DRAM1: variants seen among roughly 807,000 people sequenced by gnomAD.
DRAM1 encodes DNA damage-regulated autophagy modulator protein 1.
Under a neutral mutation model 28.5 loss-of-function variants are expected in DRAM1, and 25 were observed. The ratio of observed to expected loss-of-function variants is 0.88; its 90% CI spans 0.64 to 1.23. The LOEUF is 1.23. Among genes scored for constraint, DRAM1 ranks in the 50% most tolerant of loss-of-function variants. The probability of loss-of-function intolerance (pLI) is 0.00; values close to 1 mark genes in which losing one functional copy is unlikely to be tolerated. For synonymous variants in DRAM1, 113 were observed against 114.2 expected (o/e 0.99, Z 0.07); for missense variants, 249 against 299.2 (o/e 0.83, Z 1.24).
At chr12:101,894,138 GAC>G (rs1014705354) in intron 1 of DRAM1, among the ~76,000 whole-genome samples, 5 of 151,846 alleles carry the variant, frequency 3.3e-5, no homozygotes, top group African/African-American at 1.2e-4. Flanking sequence ...TAATTTTTGA[GAC>G]AGAGTCTCAT....
chr12:101,903,893 G>A (rs1412016444), intron 3 of DRAM1, among the ~76,000 whole-genome samples: 1 of 149,300 alleles, frequency 6.7e-6, no homozygotes, highest in Non-Finnish European at 1.5e-5. Flanking sequence ...GGGCAACACA[G>A]GGAGACCGTG....
Position 101,877,919 on chromosome 12 carries a change from A to T in DRAM1, c.130A>T (p.Ser44Cys). 1 of 1,531,992 alleles carries T rather than the reference A, an allele frequency of 6.5e-7. No homozygotes were observed. The allele number at this position is 1,531,992 out of a possible 1,614,324, so 94.9% of individuals were successfully genotyped here. The change falls in exon 1 of 7, where the codon AGT becomes TGT. Residue 44 changes from serine to cysteine, a missense_variant and splice_region_variant. By Grantham distance (112) the Ser-to-Cys change is moderately radical. Transcript: ENST00000258534. This position sits in a 1 kb window ranked among gnomAD's most constrained non-coding sequence, Gnocchi z 4.1. ...CGTCAACCCCTTCCTCCCGTATATC[A>T]GGTGAGTGGCAGGGTGGGCGTCAGG... ...GHVNPFLPYI[S>C]DTGTTPPESG... is the part of the protein sequence containing the mutation.
At chr12:101,896,857 G>A (rs1038366114) in intron 1 of DRAM1, among the ~76,000 whole-genome samples, 2 of 150,216 alleles carry the variant, frequency 1.3e-5, no homozygotes, top group Non-Finnish European at 3.0e-5. Flanking sequence ...GTGTGATCTC[G>A]GCTCACCGCA....
Position 101,877,896 on chromosome 12 carries a change from T to A in DRAM1, c.107T>A (p.Val36Asp). The change falls in exon 1 of 7, where the codon GTC becomes GAC. Residue 36 changes from valine (V) to aspartate (D), a missense_variant. By Grantham distance (152) the Val-to-Asp change is radical. Around this residue, in one of 3 missense-constraint regions of DRAM1, gnomAD observed 218 missense variants for 243.1 expected, o/e 0.90. Coordinates refer to ENST00000258534, the MANE Select transcript of DRAM1 (RefSeq NM_018370.3). The surrounding 1 kb of genome is among the most constrained non-coding windows in gnomAD (Gnocchi z 4.1). ...GTGGTCGCCGTGCTCTCCGGGCACG[T>A]CAACCCCTTCCTCCCGTATATCAGG... ...SYVVAVLSGHVNPFLPYISDT... is the reference protein window; with the variant it reads ...SYVVAVLSGHDNPFLPYISDT... 1 of 1,542,618 alleles carries A rather than the reference T, an allele frequency of 6.5e-7. No homozygotes were observed. Among genetic ancestry groups the A allele is most frequent in the South Asian group, 1.2e-5 (1 of 83,030 alleles).
In DRAM1 at chr12:101,921,323, G is replaced by C; in HGVS notation, c.*63G>C. The C allele has an allele frequency of 2.1e-6, 3 of 1,415,794 alleles. No homozygotes were observed. The highest frequency in any genetic ancestry group is 3.0e-6 in the Non-Finnish European group (3 of 1,000,534). 87.7% of individuals were successfully genotyped at this position (1,415,794 alleles called of 1,614,324 possible). A position where few individuals can be genotyped will look rare whatever the true frequency, so the allele number is the denominator to read the frequency against. On this transcript the variant is annotated 3_prime_UTR_variant, in exon 7 of 7. Transcript: ENST00000258534. Reference sequence around the variant, plus strand: ...GGCCATTTCTAAAAGTGCTACAGAGGACAGACAGGGTTTTGAGGCCACCCT... The same window carrying C: ...GGCCATTTCTAAAAGTGCTACAGAGCACAGACAGGGTTTTGAGGCCACCCT...
In DRAM1 at chr12:101,908,384, GC is replaced by G. The variant is rs1393034394; in HGVS notation, c.520+23del. On this transcript the variant is annotated intron_variant, in intron 4 of 6. Coordinates refer to ENST00000258534, the MANE Select transcript of DRAM1 (RefSeq NM_018370.3). ...CCCCAGTATCCTTTTTCACATTTGTGCCTTGTTAAAGGAATAAAACATTCAG... is the reference window on the plus strand; with the variant it reads ...CCCCAGTATCCTTTTTCACATTTGTGCTTGTTAAAGGAATAAAACATTCAG... 1.9e-6 allele frequency: 3 copies of G among 1,595,766 alleles called. No individual in the cohort carries two copies. The African/African-American group carries it at 4.0e-5, about 22-fold the overall frequency.
chr12:101,910,479 GTTTT>G (rs772877223), intron 4 of DRAM1, among the ~76,000 whole-genome samples: 1 of 139,270 alleles, frequency 7.2e-6, no homozygotes. Flanking sequence ...TTTCTAGAAA[GTTTT>G]TTTTTTTTTT....
chr12:101,895,324 C>T (rs567618748), intron 1 of DRAM1, among the ~76,000 whole-genome samples: 19 of 149,876 alleles, frequency 1.3e-4, no homozygotes, highest in East Asian at 9.9e-4. Context: ...ATTACAGGCA[C>T]GCTGTACCAT....
At chr12:101,893,210 C>T (rs535834976) in intron 1 of DRAM1, among the ~76,000 whole-genome samples, 8 of 152,184 alleles carry the variant, frequency 5.3e-5, no homozygotes, top group African/African-American at 1.4e-4. Context: ...GGTTCATTCC[C>T]GTGGTGTGCT....
intron 1 of DRAM1, among the ~76,000 whole-genome samples, chr12:101,882,033 A>G (rs994862440): frequency 6.6e-6 from 1 of 151,428 alleles, no homozygotes; most frequent in African/African-American, 2.4e-5. Context: ...TTTGGTGGCT[A>G]GTCAGTGATT....
chr12:101,883,687 C>T (rs1010525649), intron 1 of DRAM1, among the ~76,000 whole-genome samples: 6 of 151,404 alleles, frequency 4.0e-5, no homozygotes, highest in Non-Finnish European at 8.8e-5. Flanking sequence ...CCTGTAATCC[C>T]AGCACTTTGG....
At chr12:101,898,792 G>GAC (rs1417607264) in intron 2 of DRAM1, among the ~76,000 whole-genome samples, 1 of 152,186 alleles carries the variant, frequency 6.6e-6, no homozygotes, top group Non-Finnish European at 1.5e-5. Flanking sequence ...AGAGAAAGGG[G>GAC]ACAGGTGGAG....
chr12:101,895,712 C>T (rs1027709202), intron 1 of DRAM1, among the ~76,000 whole-genome samples: 4 of 143,954 alleles, frequency 2.8e-5, no homozygotes, highest in African/African-American at 7.7e-5. Flanking sequence ...CTGGGATTAC[C>T]GGCGTCTGCC....
intron 4 of DRAM1, among the ~76,000 whole-genome samples, chr12:101,910,832 A>G (rs1324733298): frequency 6.6e-6 from 1 of 152,142 alleles, no homozygotes; most frequent in Non-Finnish European, 1.5e-5. Flanking sequence ...CCATACAGAA[A>G]GGGGTTATAA....
At chr12:101,916,773 A>G (rs1874260633) in intron 5 of DRAM1, among the ~76,000 whole-genome samples, 1 of 152,208 alleles carries the variant, frequency 6.6e-6, no homozygotes, top group Admixed American at 6.5e-5. Flanking sequence ...CTCATTGATG[A>G]GTCCCTACCA....
intron 1 of DRAM1, among the ~76,000 whole-genome samples, chr12:101,881,177 G>A (rs1872674303): frequency 6.6e-6 from 1 of 152,180 alleles, no homozygotes; most frequent in African/African-American, 2.4e-5. Flanking sequence ...CTACTCAGGA[G>A]GCTGAGGCAT....
At chr12:101,919,530 T>C (rs12423125) in intron 5 of DRAM1, among the ~76,000 whole-genome samples, 1 of 152,238 alleles carries the variant, frequency 6.6e-6, no homozygotes, top group South Asian at 2.1e-4. Flanking sequence ...CAAGAAGATA[T>C]ACAGTTAACA....
intron 5 of DRAM1, among the ~76,000 whole-genome samples, chr12:101,915,798 G>A (rs1874219040): frequency 6.6e-6 from 1 of 152,100 alleles, no homozygotes; most frequent in Non-Finnish European, 1.5e-5. Context: ...TGCACCTCGT[G>A]ATCTGCCCTC....
At chr12:101,906,867 A>AAAAAG in intron 3 of DRAM1, among the ~76,000 whole-genome samples, 1 of 148,518 alleles carries the variant, frequency 6.7e-6, no homozygotes, top group African/African-American at 2.6e-5. Context: ...AAAAAAAAAA[A>AAAAAG]AAAAAAGAAA....
Sources: allele counts gnomAD v4.1 joint callset (sites outside exome capture counted in the v4.1 genomes callset), GRCh38; gene constraint gnomAD v4.1.1; regional missense constraint gnomAD v4.1.1; non-coding constraint Gnocchi (gnomAD v3.1); transcripts MANE v1.5; gene names NCBI Gene and HGNC (gene_info 2026-07-23, HGNC 2026-07-21).